The following NTM variants were observed in gnomAD, a reference collection of about 807,000 sequenced individuals.
The protein encoded by NTM is IgLON family member 2.
A neutral mutation model predicts 42.1 loss-of-function variants in NTM; 13 were observed. The observed-to-expected ratio is 0.31, with a 90% CI of 0.20 to 0.49. NTM has a LOEUF of 0.49. NTM is among the 20% of genes least tolerant of loss of function. The probability of loss-of-function intolerance (pLI) is 0.99; values close to 1 mark genes in which losing one functional copy is unlikely to be tolerated. For synonymous variants in NTM, 187 were observed against 179.2 expected, an observed-to-expected ratio of 1.04 and a Z score of -0.35; for missense variants, 373 against 452.8, an observed-to-expected ratio of 0.82 and a Z score of 1.60.
At chr11:131,942,476 G>A (rs2059899374) in intron 2 of NTM, among the ~76,000 whole-genome samples, 1 of 152,146 alleles carries the variant, frequency 6.6e-6, no homozygotes, top group Non-Finnish European at 1.5e-5. Context: ...TTTCCCATCT[G>A]GAAGCAAGGG....
intron 1 of NTM, among the ~76,000 whole-genome samples, chr11:131,381,331 C>T (rs1180588665): frequency 6.6e-6 from 1 of 152,138 alleles, no homozygotes; most frequent in South Asian, 2.1e-4. Flanking sequence ...GACTTTCTTC[C>T]TGAACAGTCA....
At chr11:131,800,362 T>G (rs971961491) in intron 1 of NTM, among the ~76,000 whole-genome samples, 3 of 152,238 alleles carry the variant, frequency 2.0e-5, no homozygotes, top group African/African-American at 7.2e-5. Context: ...GACAGGAGAC[T>G]GCTTTAGAGC....
chr11:131,838,050 C>G (rs529545625), intron 1 of NTM, among the ~76,000 whole-genome samples: 1 of 152,272 alleles, frequency 6.6e-6, no homozygotes, highest in South Asian at 2.1e-4. Context: ...TGGGAAACAT[C>G]TCCCAGCCAT....
intron 4 of NTM, among the ~76,000 whole-genome samples, chr11:132,229,298 C>A (rs2139004972): frequency 6.6e-6 from 1 of 152,318 alleles, no homozygotes; most frequent in East Asian, 1.9e-4. Context: ...CGCACTTAGA[C>A]CGCTTGCTCA....
chr11:131,469,602 G>A (rs916060457), intron 1 of NTM, among the ~76,000 whole-genome samples: 6 of 152,214 alleles, frequency 3.9e-5, no homozygotes, highest in African/African-American at 9.7e-5. Context: ...GGAGTCAGTT[G>A]CTAGGCAGCT....
intron 1 of NTM, among the ~76,000 whole-genome samples, chr11:131,624,624 T>A (rs189135837): frequency 6.6e-6 from 1 of 152,208 alleles, no homozygotes; most frequent in African/African-American, 2.4e-5. Context: ...CTCATAGTGT[T>A]GTATTACTCA....
chr11:131,800,498 G>C (rs1254185817), intron 1 of NTM, among the ~76,000 whole-genome samples: 1 of 152,188 alleles, frequency 6.6e-6, no homozygotes, highest in African/African-American at 2.4e-5. Flanking sequence ...GATTCATATA[G>C]GCTAAAGAAA....
chr11:131,938,423 G>T (rs1035554850), intron 2 of NTM, among the ~76,000 whole-genome samples: 1 of 152,204 alleles, frequency 6.6e-6, no homozygotes, highest in Non-Finnish European at 1.5e-5. Context: ...GAAAGAAAAC[G>T]GAAGTCACTG....
At chr11:132,154,793 C>T (rs760108227) in intron 3 of NTM, among the ~76,000 whole-genome samples, 8 of 152,162 alleles carry the variant, frequency 5.3e-5, no homozygotes, top group Non-Finnish European at 8.8e-5. Flanking sequence ...TGTTGAATGT[C>T]GCCTGCAGTA....
intron 1 of NTM, among the ~76,000 whole-genome samples, chr11:131,587,540 C>A (rs553494249): frequency 6.6e-6 from 1 of 152,016 alleles, no homozygotes; most frequent in African/African-American, 2.4e-5. Context: ...TTATTAAATA[C>A]AATCCCATTT....
intron 2 of NTM, among the ~76,000 whole-genome samples, chr11:131,971,031 GACAA>G (rs1271864078): frequency 6.6e-6 from 1 of 152,130 alleles, no homozygotes; most frequent in African/African-American, 2.4e-5. Flanking sequence ...ACAAGCCTAT[GACAA>G]ACAACCCTTT....
intron 1 of NTM, among the ~76,000 whole-genome samples, chr11:131,674,827 G>T (rs73583650): frequency 0.038 from 5,791 of 152,244 alleles, 358 homozygotes; most frequent in African/African-American, 0.13. Context: ...ACTCATTGCA[G>T]CTCCAAGACA....
At chr11:131,509,585 C>A (rs866397211) in intron 1 of NTM, among the ~76,000 whole-genome samples, 3 of 152,278 alleles carry the variant, frequency 2.0e-5, no homozygotes, top group Admixed American at 6.5e-5. Context: ...ATAGAAGACC[C>A]AGTTCTAGTT....
chr11:132,201,151 G>A (rs2081094436), intron 3 of NTM, among the ~76,000 whole-genome samples: 1 of 152,176 alleles, frequency 6.6e-6, no homozygotes, highest in African/African-American at 2.4e-5. Flanking sequence ...GAACAGAAGT[G>A]TGTGTACCTA....
intron 4 of NTM, among the ~76,000 whole-genome samples, chr11:132,220,179 T>C (rs1205966763): frequency 6.6e-6 from 1 of 152,100 alleles, no homozygotes; most frequent in Non-Finnish European, 1.5e-5. Context: ...GTTCAATATA[T>C]ACAGAAAAAA....
chr11:131,987,697 A>G (rs992489256), intron 2 of NTM, among the ~76,000 whole-genome samples: 1 of 152,206 alleles, frequency 6.6e-6, no homozygotes, highest in African/African-American at 2.4e-5. Flanking sequence ...TTCAAGCAAT[A>G]TTACTTCACT....
rs144730463 is a variant in NTM at position 131,549,623 on chromosome 11, G to C, written c.82+178735G>C. On this transcript the variant is annotated intron_variant, in intron 1 of 8. Transcript: ENST00000683400. The stretch of plus-strand genomic sequence containing the variant: ...CAAGGAAGGGAACTAGCCCGCCCAA[G>C]CCACAAGGGGCTGTGCTTTCTGGGA... Among the ~76,000 whole-genome samples, 183 of 152,234 alleles carry C rather than the reference G, an allele frequency of 1.2e-3. 1 individual carries two copies. Among genetic ancestry groups the C allele is most frequent in the African/African-American group, 4.2e-3 (174 of 41,536 alleles).
At chr11:131,981,488 A>G (rs2065229134) in intron 2 of NTM, 1 of 152,176 alleles carries the variant, frequency 6.6e-6, no homozygotes, top group African/African-American at 2.4e-5. Context: ...ATTCATTGGC[A>G]TGAAGCTGTT....
intron 1 of NTM, among the ~76,000 whole-genome samples, chr11:131,620,730 G>T (rs1172408032): frequency 2.0e-5 from 3 of 152,198 alleles, no homozygotes; most frequent in African/African-American, 7.2e-5. Context: ...TCCACCACCT[G>T]CAGGCCTGCA....
Sources: allele counts gnomAD v4.1 joint callset (sites outside exome capture counted in the v4.1 genomes callset), GRCh38; gene constraint gnomAD v4.1.1; transcripts MANE v1.5; gene names NCBI Gene and HGNC (gene_info 2026-07-23, HGNC 2026-07-21).